RRAGD: variants seen among roughly 807,000 people sequenced by gnomAD.
The protein encoded by RRAGD is Ras related GTP binding D, also known as ras-related GTP-binding protein D.
RRAGD carries 12 observed loss-of-function variants against 35.5 expected under a neutral mutation model. That is an observed-to-expected ratio of 0.34 (90% CI 0.22 to 0.55). The LOEUF (loss-of-function observed/expected upper bound fraction) is 0.55. Ranked by LOEUF, RRAGD falls within the 20% of genes least tolerant of loss-of-function variation. RRAGD has a pLI of 0.91. For missense variants in RRAGD, 324 were observed against 490.1 expected (o/e 0.66, Z 3.20); for synonymous variants, 155 against 178.9 (o/e 0.87, Z 1.07).
intron 2 of RRAGD, among the ~76,000 whole-genome samples, chr6:89,382,299 A>G (rs1484929584): frequency 1.3e-5 from 2 of 151,640 alleles, no homozygotes; most frequent in Non-Finnish European, 2.9e-5. Context: ...TAAAGGACAA[A>G]AGCCAGGAGC....
intron 1 of RRAGD, 124 bp from the exon 2 acceptor site, chr6:89,387,714 T>C: frequency 5.4e-6 from 5 of 932,354 alleles, no homozygotes; most frequent in Non-Finnish European, 6.5e-6. Flanking sequence ...CAAAGAGTGC[T>C]AACTACAGTC....
intron 1 of RRAGD, among the ~76,000 whole-genome samples, chr6:89,389,555 C>CAAA (rs767352705): frequency 4.1e-4 from 24 of 57,932 alleles, no homozygotes; most frequent in Admixed American, 7.2e-4. Flanking sequence ...GACTCCGTCT[C>CAAA]AAAAAAAAAA....
chr6:89,409,732 T>C (rs1769659114), intron 1 of RRAGD, among the ~76,000 whole-genome samples: 1 of 152,136 alleles, frequency 6.6e-6, no homozygotes, highest in Non-Finnish European at 1.5e-5. Context: ...GCAAATGTCC[T>C]GACAAGGGAT....
At chr6:89,391,783 T>G (rs1219869931) in intron 1 of RRAGD, among the ~76,000 whole-genome samples, 2 of 151,132 alleles carry the variant, frequency 1.3e-5, no homozygotes, top group African/African-American at 2.4e-5. Flanking sequence ...CAAAACCCCA[T>G]CTCTACAAAA....
chr6:89,409,683 C>A (rs1257630264), intron 1 of RRAGD, among the ~76,000 whole-genome samples: 1 of 152,210 alleles, frequency 6.6e-6, no homozygotes, highest in Non-Finnish European at 1.5e-5. Context: ...GCAGTCCTCG[C>A]TGGAATTGCT....
At chr6:89,369,370 C>G (rs1253611811) in intron 6 of RRAGD, among the ~76,000 whole-genome samples, 1 of 152,208 alleles carries the variant, frequency 6.6e-6, no homozygotes, top group Non-Finnish European at 1.5e-5. Flanking sequence ...TTATGTGCAA[C>G]AAACTGTCTT....
intron 6 of RRAGD, among the ~76,000 whole-genome samples, chr6:89,370,906 T>A (rs1768844378): frequency 6.6e-6 from 1 of 152,076 alleles, no homozygotes; most frequent in Admixed American, 6.5e-5. Context: ...TAATTATTGT[T>A]TTTTTGCTAA....
At chr6:89,407,912 G>A (rs1769615157) in intron 1 of RRAGD, among the ~76,000 whole-genome samples, 2 of 152,026 alleles carry the variant, frequency 1.3e-5, no homozygotes, top group African/African-American at 4.8e-5. Context: ...GCTAATAAAA[G>A]TAGAGAGTCA....
At chr6:89,407,730 T>G (rs2127899634) in intron 1 of RRAGD, among the ~76,000 whole-genome samples, 1 of 152,268 alleles carries the variant, frequency 6.6e-6, no homozygotes, top group East Asian at 1.9e-4. Context: ...TACTATGGGC[T>G]GGGGGAGGAT....
intron 1 of RRAGD, among the ~76,000 whole-genome samples, chr6:89,400,595 T>TA (rs11447080): frequency 0.26 from 36,046 of 138,006 alleles, 4,799 homozygotes; most frequent in East Asian, 0.6. Context: ...GGACAGGCAC[T>TA]AAAAAAAAAA....
chr6:89,379,388 AGGCTGCTTAGGCTATGT>A, intron 3 of RRAGD, 50 bp from the exon 4 acceptor site: 1 of 906,826 alleles, frequency 1.1e-6, no homozygotes, highest in Non-Finnish European at 1.8e-6. Flanking sequence ...AATGAGGAAC[AGGCTGCTTAGGCTATGT>A]CAAAACACCG....
At chr6:89,404,765 G>T (rs1329944384) in intron 1 of RRAGD, among the ~76,000 whole-genome samples, 1 of 152,178 alleles carries the variant, frequency 6.6e-6, no homozygotes, top group African/African-American at 2.4e-5. Flanking sequence ...GTACAACAGG[G>T]CTGCCTGGGG....
chr6:89,387,238 G>A (rs1211240453), intron 2 of RRAGD, 57 bp downstream of exon 2: 24 of 1,524,608 alleles, frequency 1.6e-5, no homozygotes. Context: ...CCAAAAACAT[G>A]GGGTGGGGTG....
chr6:89,402,399 G>T (rs1339140579), intron 1 of RRAGD, among the ~76,000 whole-genome samples: 1 of 152,222 alleles, frequency 6.6e-6, no homozygotes, highest in Admixed American at 6.5e-5. Flanking sequence ...ATTTCATTAA[G>T]TTCACTCCAG....
intron 1 of RRAGD, among the ~76,000 whole-genome samples, chr6:89,390,169 C>G (rs545563397): frequency 6.6e-6 from 1 of 151,016 alleles, no homozygotes; most frequent in Admixed American, 6.6e-5. Flanking sequence ...ACAGCAAAAG[C>G]ACAAGCAACA....
At chr6:89,380,067 G>A (rs1769015344) in intron 3 of RRAGD, 101 bp downstream of exon 3, 1 of 983,274 alleles carries the variant, frequency 1.0e-6, no homozygotes, top group Non-Finnish European at 1.6e-6. Flanking sequence ...GTAAAAAGAA[G>A]GTAAATTACT....
intron 1 of RRAGD, among the ~76,000 whole-genome samples, chr6:89,395,993 C>T (rs867592503): frequency 2.0e-5 from 3 of 150,622 alleles, no homozygotes; most frequent in Admixed American, 6.6e-5. Context: ...ATTCAACTCA[C>T]ATCAACTCAA....
chr6:89,366,138 C>T lies in RRAGD; in HGVS notation c.*1918G>A, dbSNP rs941267943. On this transcript the variant is annotated 3_prime_UTR_variant, in exon 7 of 7. Coordinates refer to ENST00000369415, the MANE Select transcript of RRAGD (RefSeq NM_021244.5). ...CCTTGGGAGGCTCAAACCTTAAACA[C>T]CAACCAGATATCATCTTAAATTCAG... is the stretch of plus-strand genomic sequence containing the variant. 6.6e-6 allele frequency: 1 copy of T among 152,152 alleles called. No homozygotes were observed. Among genetic ancestry groups the T allele is most frequent in the Non-Finnish European group, 1.5e-5 (1 of 68,066 alleles). 9.4% of individuals were successfully genotyped at this position (152,152 alleles called of 1,614,324 possible).
rs565230460 is a variant in RRAGD at position 89,395,456 on chromosome 6, G to T, written c.149-7866C>A. Among the ~76,000 whole-genome samples, 3 of 152,252 alleles carry T rather than the reference G, an allele frequency of 2.0e-5. No homozygotes were observed. In the East Asian group the frequency reaches 5.8e-4, roughly 29 times the overall value. Reference sequence around the variant, plus strand: ...AACTATAATCTGTCAATGAAAATAAGTAAATAAGATAAAACAAAATTTACA... The same window carrying T: ...AACTATAATCTGTCAATGAAAATAATTAAATAAGATAAAACAAAATTTACA... On this transcript the variant is annotated intron_variant, in intron 1 of 6. Transcript: ENST00000369415.
Sources: allele counts gnomAD v4.1 joint callset (sites outside exome capture counted in the v4.1 genomes callset), GRCh38; gene constraint gnomAD v4.1.1; transcripts MANE v1.5; gene names NCBI Gene and HGNC (gene_info 2026-07-23, HGNC 2026-07-21).